MACROD2: variants seen among roughly 807,000 people sequenced by gnomAD.
MACROD2 encodes ADP-ribose glycohydrolase MACROD2.
In MACROD2, 36 loss-of-function variants were observed where a neutral mutation model predicts 70.4. That is an observed-to-expected ratio of 0.51 (90% CI 0.39 to 0.68). The LOEUF (loss-of-function observed/expected upper bound fraction) is 0.68. MACROD2 is among the 30% of genes least tolerant of loss of function. The pLI is 0.00. For synonymous variants in MACROD2, 172 were observed against 178.8 expected (o/e 0.96, Z 0.30); for missense variants, 496 against 538.4 (o/e 0.92, Z 0.78).
At chr20:15,330,996 G>T (rs564941058) in intron 6 of MACROD2, among the ~76,000 whole-genome samples, 1 of 151,530 alleles carries the variant, frequency 6.6e-6, no homozygotes, top group Admixed American at 6.6e-5. Flanking sequence ...GAAAACGGAG[G>T]CAAAAATACT....
At chr20:15,563,246 T>TA (rs2048268503) in intron 8 of MACROD2, among the ~76,000 whole-genome samples, 1 of 152,202 alleles carries the variant, frequency 6.6e-6, no homozygotes, top group African/African-American at 2.4e-5. Flanking sequence ...AGCTGAGAGA[T>TA]ACTAGTCTAG....
At chr20:15,991,652 C>G (rs2066560630) in intron 15 of MACROD2, among the ~76,000 whole-genome samples, 1 of 152,188 alleles carries the variant, frequency 6.6e-6, no homozygotes, top group African/African-American at 2.4e-5. Context: ...CTGGAACATT[C>G]TACCTTCAGA....
intron 8 of MACROD2, among the ~76,000 whole-genome samples, chr20:15,689,152 A>T (rs1405909391): frequency 6.6e-6 from 1 of 152,164 alleles, no homozygotes; most frequent in African/African-American, 2.4e-5. Context: ...AAAAATACAA[A>T]AATTAGCTGG....
intron 6 of MACROD2, among the ~76,000 whole-genome samples, chr20:15,330,928 C>T (rs2077984897): frequency 6.6e-6 from 1 of 151,786 alleles, no homozygotes; most frequent in South Asian, 2.1e-4. Context: ...CTGGCTATCT[C>T]TTACTTGTGG....
At chr20:14,629,574 A>G (rs1984385148) in intron 4 of MACROD2, among the ~76,000 whole-genome samples, 1 of 152,176 alleles carries the variant, frequency 6.6e-6, no homozygotes, top group Admixed American at 6.5e-5. Flanking sequence ...TGTGTAGAGT[A>G]TTTCAGTTGC....
chr20:15,431,150 A>G (rs1274409209), intron 6 of MACROD2, among the ~76,000 whole-genome samples: 1 of 152,042 alleles, frequency 6.6e-6, no homozygotes, highest in Non-Finnish European at 1.5e-5. Context: ...ATTTCTTAAT[A>G]ATAACTTTAA....
intron 8 of MACROD2, among the ~76,000 whole-genome samples, chr20:15,532,880 A>T (rs1371281920): frequency 6.6e-6 from 1 of 152,100 alleles, no homozygotes; most frequent in Non-Finnish European, 1.5e-5. Context: ...GGTTTGAAAG[A>T]TTGATATCTG....
At chr20:14,171,211 T>C (rs1368625529) in intron 3 of MACROD2, among the ~76,000 whole-genome samples, 2 of 152,216 alleles carry the variant, frequency 1.3e-5, no homozygotes, top group African/African-American at 2.4e-5. Flanking sequence ...TCATCTCTAA[T>C]TGAGCTTATT....
chr20:15,333,786 G>C (rs757245300), intron 6 of MACROD2, among the ~76,000 whole-genome samples: 15 of 151,580 alleles, frequency 9.9e-5, no homozygotes, highest in Non-Finnish European at 1.9e-4. Context: ...GCTGGATGAA[G>C]TATATTCTAT....
rs113548925 is a variant in MACROD2, at chr20:14,079,392, C to T, written c.164-6229C>T. 1.1e-3 allele frequency among the ~76,000 whole-genome samples: 170 copies of T among 152,094 alleles called. 2 individuals are homozygous for T. Among genetic ancestry groups the T allele is most frequent in the African/African-American group, 3.6e-3 (149 of 41,492 alleles). On this transcript the variant is annotated intron_variant, in intron 2 of 17. Coordinates refer to ENST00000684519, the MANE Select transcript of MACROD2 (RefSeq NM_001351661.2). ...AGCAGAAGATTCAATTACATGGGGC[C>T]GAATAAACTAATAAATAAGATAATT... is the stretch of plus-strand genomic sequence containing the variant.
chr20:14,000,305 C>T (rs1047573269), intron 1 of MACROD2, among the ~76,000 whole-genome samples: 4 of 152,000 alleles, frequency 2.6e-5, no homozygotes, highest in Non-Finnish European at 5.9e-5. Flanking sequence ...AATATGTCAC[C>T]TCTGATTAAG....
At chr20:15,604,925 T>C (rs1161135087) in intron 8 of MACROD2, among the ~76,000 whole-genome samples, 1 of 152,204 alleles carries the variant, frequency 6.6e-6, no homozygotes, top group Non-Finnish European at 1.5e-5. Context: ...AATTTTTAAG[T>C]AGTGACCCTT....
At chr20:14,577,270 G>T (rs1047356643) in intron 4 of MACROD2, among the ~76,000 whole-genome samples, 1 of 152,152 alleles carries the variant, frequency 6.6e-6, no homozygotes, top group Non-Finnish European at 1.5e-5. Flanking sequence ...CCAGAAATAT[G>T]CCAACAGTTT....
intron 3 of MACROD2, among the ~76,000 whole-genome samples, chr20:14,467,116 T>C (rs1446702686): frequency 2.6e-5 from 4 of 152,182 alleles, no homozygotes; most frequent in South Asian, 2.1e-4. Flanking sequence ...TGTTTGTCTG[T>C]GCCCTGCCCC....
intron 15 of MACROD2, among the ~76,000 whole-genome samples, chr20:16,005,683 T>C (rs2066778399): frequency 6.6e-6 from 1 of 152,246 alleles, no homozygotes; most frequent in South Asian, 2.1e-4. Context: ...ATTCTCCTTT[T>C]CTCCCTCACA....
chr20:14,232,518 C>T (rs1200589128), intron 3 of MACROD2, among the ~76,000 whole-genome samples: 1 of 152,232 alleles, frequency 6.6e-6, no homozygotes. Context: ...TCATCTTTCA[C>T]TTTTATGTTA....
intron 8 of MACROD2, among the ~76,000 whole-genome samples, chr20:15,667,463 CTATCTATG>C (rs1001041303): frequency 1.3e-3 from 188 of 148,900 alleles, no homozygotes; most frequent in African/African-American, 3.9e-3. Context: ...ACCTAATACA[CTATCTATG>C]TATCTATGTA....
At chr20:14,065,904 AGTC>A (rs1466533718) in intron 2 of MACROD2, among the ~76,000 whole-genome samples, 1 of 152,206 alleles carries the variant, frequency 6.6e-6, no homozygotes, top group Non-Finnish European at 1.5e-5. Context: ...AAAATACGTG[AGTC>A]GTCATTGTGG....
At chr20:14,084,483 G>C (rs1411007819) in intron 2 of MACROD2, among the ~76,000 whole-genome samples, 1 of 152,058 alleles carries the variant, frequency 6.6e-6, no homozygotes, top group Non-Finnish European at 1.5e-5. Context: ...TTTCCTGTAA[G>C]TATATTAAAA....
Sources: gnomAD v4.1 joint callset for allele counts (sites outside exome capture counted in the v4.1 genomes callset) on GRCh38, gnomAD v4.1.1 for gene constraint, MANE v1.5 for transcripts, NCBI Gene and HGNC (gene_info 2026-07-23, HGNC 2026-07-21) for gene names.